Variants in SRBD1 observed in about 807,000 individuals in gnomAD.
SRBD1 encodes the protein S1 RNA binding domain 1.
In SRBD1, 88 loss-of-function variants were observed where a neutral mutation model predicts 115.3. The ratio of observed to expected loss-of-function variants is 0.76; its 90% confidence interval spans 0.64 to 0.91. SRBD1 has a LOEUF of 0.91. SRBD1 is among the 40% of genes least tolerant of loss of function. SRBD1 has a pLI of 0.00. For missense variants in SRBD1, 1,385 were observed against 1,177.4 expected (o/e 1.18, Z -2.58); for synonymous variants, 509 against 407.7 (o/e 1.25, Z -2.99).
chr2:45,480,619 T>C (rs1669932808), intron 15 of SRBD1, among the ~76,000 whole-genome samples: 1 of 152,200 alleles, frequency 6.6e-6, no homozygotes, highest in Non-Finnish European at 1.5e-5. Flanking sequence ...ATAAAGTGTT[T>C]TCTTGAGATG....
chr2:45,410,192 T>A (rs772271781), intron 19 of SRBD1, among the ~76,000 whole-genome samples: 3 of 152,120 alleles, frequency 2.0e-5, no homozygotes, highest in Non-Finnish European at 4.4e-5. Flanking sequence ...TAAAACCACA[T>A]AGATCTTTCC....
At chr2:45,551,351 T>C in intron 11 of SRBD1, 69 bp from the exon 12 acceptor site, 1 of 1,424,610 alleles carries the variant, frequency 7.0e-7, no homozygotes, top group Non-Finnish European at 9.5e-7. Flanking sequence ...AGGAGCAGAA[T>C]TCATTTTGTA....
At chr2:45,547,905 C>A (rs1672172825) in intron 12 of SRBD1, among the ~76,000 whole-genome samples, 1 of 152,158 alleles carries the variant, frequency 6.6e-6, no homozygotes, top group African/African-American at 2.4e-5. Flanking sequence ...GTAGCAAAAG[C>A]AAACACTAAC....
chr2:45,513,787 T>G (rs1572720683), intron 14 of SRBD1, among the ~76,000 whole-genome samples: 1 of 85,986 alleles, frequency 1.2e-5, no homozygotes, highest in East Asian at 4.2e-4. Context: ...TTCAAAACAG[T>G]TTTTTTTTGT....
intron 14 of SRBD1, among the ~76,000 whole-genome samples, chr2:45,498,991 T>C (rs1312326060): frequency 6.6e-6 from 1 of 152,188 alleles, no homozygotes; most frequent in South Asian, 2.1e-4. Flanking sequence ...ACTGAGTTCC[T>C]TTCTTTTGGA....
chr2:45,462,772 G>C (rs1035567279), intron 16 of SRBD1, among the ~76,000 whole-genome samples: 2 of 151,982 alleles, frequency 1.3e-5, no homozygotes, highest in African/African-American at 2.4e-5. Flanking sequence ...CTTGCAGTGA[G>C]CTGAGATCGC....
intron 1 of SRBD1, among the ~76,000 whole-genome samples, chr2:45,607,562 A>G (rs1042010039): frequency 3.3e-5 from 5 of 152,172 alleles, no homozygotes; most frequent in African/African-American, 1.2e-4. Context: ...AACACATAAA[A>G]ATTAAAATCC....
At chr2:45,602,147 A>G in intron 2 of SRBD1, 64 bp from the exon 3 acceptor site, 1 of 1,527,094 alleles carries the variant, frequency 6.5e-7, no homozygotes, top group Non-Finnish European at 8.8e-7. Context: ...GGTAAAAAAG[A>G]GATGCAAGAT....
intron 11 of SRBD1, among the ~76,000 whole-genome samples, chr2:45,551,506 T>C (rs1672298437): frequency 1.3e-5 from 2 of 152,140 alleles, no homozygotes; most frequent in Non-Finnish European, 2.9e-5. Flanking sequence ...TTATCATACC[T>C]ACATTACCTC....
intron 15 of SRBD1, among the ~76,000 whole-genome samples, chr2:45,479,483 C>G (rs1246668555): frequency 1.3e-5 from 2 of 152,108 alleles, no homozygotes; most frequent in Non-Finnish European, 2.9e-5. Context: ...TGGAGAAAGT[C>G]TGAGTGATTA....
chr2:45,444,637 A>G (rs538477619), intron 16 of SRBD1, among the ~76,000 whole-genome samples: 9 of 152,374 alleles, frequency 5.9e-5, no homozygotes, highest in African/African-American at 2.2e-4. Flanking sequence ...AAAGTTCTTT[A>G]TCCTTCTTCT....
chr2:45,568,093 AC>A (rs1179815349), intron 9 of SRBD1: 2 of 152,238 alleles, frequency 1.3e-5, no homozygotes, highest in Non-Finnish European at 1.5e-5. Flanking sequence ...TAGTTAAGAC[AC>A]AGGAAATTGC....
At chr2:45,414,179 T>C (rs1355257143) in intron 18 of SRBD1, among the ~76,000 whole-genome samples, 7 of 152,096 alleles carry the variant, frequency 4.6e-5, no homozygotes, top group African/African-American at 1.7e-4. Context: ...ATCGCATACC[T>C]AGTCAAATTA....
At chr2:45,534,010 G>T (rs975013931) in intron 14 of SRBD1, among the ~76,000 whole-genome samples, 1 of 152,060 alleles carries the variant, frequency 6.6e-6, no homozygotes, top group East Asian at 1.9e-4. Flanking sequence ...TCTGCAAGAG[G>T]GGCTACAGTG....
At chr2:45,502,344 G>A (rs553145848) in intron 14 of SRBD1, among the ~76,000 whole-genome samples, 1 of 152,292 alleles carries the variant, frequency 6.6e-6, no homozygotes, top group South Asian at 2.1e-4. Flanking sequence ...GATACCCAAA[G>A]GATTATAAAT....
intron 16 of SRBD1, among the ~76,000 whole-genome samples, chr2:45,471,703 T>A (rs1669653882): frequency 6.6e-6 from 1 of 152,174 alleles, no homozygotes; most frequent in African/African-American, 2.4e-5. Flanking sequence ...TACTTAATTG[T>A]TAGGTTGAAA....
Position 45,546,846 on chromosome 2 carries a change from G to C in SRBD1, c.1767-7C>G. On this transcript the variant is annotated splice_region_variant and splice_polypyrimidine_tract_variant and intron_variant, in intron 13 of 20. Transcript: ENST00000263736. Reference sequence around the variant, plus strand: ...AATCACTACTGTGCTGCAGCTTCAAGGCAGAAACAGAATGACAAACTGAAT... The same window carrying C: ...AATCACTACTGTGCTGCAGCTTCAACGCAGAAACAGAATGACAAACTGAAT... 6.2e-7 allele frequency: 1 copy of C among 1,613,254 alleles called. No homozygotes were observed. Among genetic ancestry groups the C allele is most frequent in the Non-Finnish European group, 8.5e-7 (1 of 1,179,314 alleles).
intron 14 of SRBD1, among the ~76,000 whole-genome samples, chr2:45,539,896 G>A (rs1213588908): frequency 2.0e-5 from 3 of 151,904 alleles, no homozygotes; most frequent in African/African-American, 7.3e-5. Context: ...AAAATTACAA[G>A]GATTCTAGAA....
intron 9 of SRBD1, among the ~76,000 whole-genome samples, chr2:45,571,822 A>C (rs1226424703): frequency 1.3e-5 from 2 of 152,018 alleles, no homozygotes; most frequent in Non-Finnish European, 2.9e-5. Context: ...GATAGGTCAA[A>C]TGGGAATATA....
Sources: gnomAD v4.1 joint callset for allele counts (sites outside exome capture counted in the v4.1 genomes callset) on GRCh38, gnomAD v4.1.1 for gene constraint, MANE v1.5 for transcripts, NCBI Gene and HGNC (gene_info 2026-07-23, HGNC 2026-07-21) for gene names.